Variants in DIP2B observed in about 807,000 individuals in gnomAD.
The protein encoded by DIP2B is disco-interacting protein 2 homolog B.
In DIP2B, 76 loss-of-function variants were observed where a neutral mutation model predicts 198.0. The ratio of observed to expected loss-of-function variants is 0.38; its 90% confidence interval spans 0.32 to 0.46. DIP2B has a LOEUF of 0.46. Ranked by LOEUF, DIP2B falls within the 20% of genes least tolerant of loss-of-function variation. The pLI, the probability that DIP2B is intolerant of heterozygous loss-of-function variation, is 0.99. For missense variants in DIP2B, 1,559 were observed against 1,978.4 expected, an observed-to-expected ratio of 0.79 and a Z score of 4.02; for synonymous variants, 701 against 739.1, an observed-to-expected ratio of 0.95 and a Z score of 0.84.
At chr12:50,674,687 A>AT (rs1565866848) in intron 6 of DIP2B, 58 bp downstream of exon 6, 21 of 1,596,852 alleles carry the variant, frequency 1.3e-5, no homozygotes, top group Admixed American at 3.4e-5. Context: ...AAAAATTCAA[A>AT]TTATGAATGA....
At position 50,556,846 on chromosome 12, in the gene DIP2B, A is replaced by G. The variant is rs560156095; in HGVS notation, c.100+51606A>G. Among the ~76,000 whole-genome samples, 3 of 152,286 alleles carry G rather than the reference A, an allele frequency of 2.0e-5. No homozygotes were observed. In the East Asian group the frequency reaches 5.8e-4, roughly 29 times the overall value. ...TGCCTCAGCCTCCCAGGTAGCTGGG[A>G]TTACAGGCATTCGCCACCACACCCA... On this transcript the variant is annotated intron_variant, in intron 1 of 37. Coordinates refer to ENST00000301180, the MANE Select transcript of DIP2B (RefSeq NM_173602.3).
chr12:50,615,767 A>G (rs1937687232), intron 1 of DIP2B, among the ~76,000 whole-genome samples: 2 of 152,296 alleles, frequency 1.3e-5, no homozygotes, highest in African/African-American at 4.8e-5. Context: ...AGTTTTACCT[A>G]TTAGGAAACT....
intron 3 of DIP2B, among the ~76,000 whole-genome samples, chr12:50,648,786 T>G (rs1343423529): frequency 6.6e-6 from 1 of 151,570 alleles, no homozygotes; most frequent in African/African-American, 2.4e-5. Flanking sequence ...CCAGTGCAGA[T>G]GGACAAGAAA....
intron 7 of DIP2B, among the ~76,000 whole-genome samples, chr12:50,676,923 A>T (rs1333350814): frequency 6.6e-6 from 1 of 152,196 alleles, no homozygotes; most frequent in Non-Finnish European, 1.5e-5. Context: ...CAGTTGAAAC[A>T]TTTATTATTT....
chr12:50,589,394 A>G lies in DIP2B; in HGVS notation c.101-36582A>G, dbSNP rs547470691. ...CTATTTTTAGTAGAGAGGGGGTTTC[A>G]CCATGTTGGCCAGGCTGGTCTCAAA... On this transcript the variant is annotated intron_variant, in intron 1 of 37. Coordinates refer to ENST00000301180, the MANE Select transcript of DIP2B (RefSeq NM_173602.3). Among the ~76,000 whole-genome samples the G allele has an allele frequency of 2.6e-5, 4 of 151,752 alleles. No individual in the cohort carries two copies. The East Asian group carries it at 7.9e-4, about 30-fold the overall frequency.
In DIP2B at chr12:50,708,553, C is replaced by T. The variant is rs777785743; in HGVS notation, c.2640C>T (p.Arg880=). 45 of 1,590,250 alleles carry T rather than the reference C, an allele frequency of 2.8e-5. No individual in the cohort carries two copies. Among genetic ancestry groups the T allele is most frequent in the African/African-American group, 4.0e-5 (3 of 74,640 alleles). ...SEEDSFQWMS[R]VLQAIDSIHQ... ...AAGATAGTTTCCAGTGGATGAGCCG[C>T]GTGCTGCAGGTGAGCACACTTTGGG... is the stretch of plus-strand genomic sequence containing the variant. The change falls in exon 22 of 38, where the codon CGC becomes CGT. Residue 880 remains arginine, a synonymous_variant. Coordinates refer to ENST00000301180, the MANE Select transcript of DIP2B (RefSeq NM_173602.3).
chr12:50,534,836 A>G lies in DIP2B; in HGVS notation c.100+29596A>G, dbSNP rs1306477217. 1.3e-5 allele frequency among the ~76,000 whole-genome samples: 2 copies of G among 152,198 alleles called. 1 individual carries two copies. The highest frequency in any genetic ancestry group is 2.9e-5 in the Non-Finnish European group (2 of 68,034). ...CTATCCTTTGGGAGATGAAGTGGCT[A>G]GATGAGAGAATCTAGTTCTTCCTAG... On this transcript the variant is annotated intron_variant, in intron 1 of 37. Coordinates refer to ENST00000301180, the MANE Select transcript of DIP2B (RefSeq NM_173602.3).
At chr12:50,518,305 A>G (rs1349690853) in intron 1 of DIP2B, among the ~76,000 whole-genome samples, 1 of 151,390 alleles carries the variant, frequency 6.6e-6, no homozygotes, top group Non-Finnish European at 1.5e-5. Flanking sequence ...GCTCGCTGCA[A>G]GCTCCGCCCC....
intron 37 of DIP2B, 134 bp downstream of exon 37, chr12:50,741,673 C>T (rs1477587609): frequency 1.6e-6 from 2 of 1,243,230 alleles, no homozygotes; most frequent in African/African-American, 3.0e-5. Context: ...AGGAAATAGA[C>T]TGATTCTTGT....
intron 20 of DIP2B, among the ~76,000 whole-genome samples, chr12:50,705,200 C>A (rs1939492442): frequency 6.6e-6 from 1 of 152,158 alleles, no homozygotes; most frequent in Non-Finnish European, 1.5e-5. Context: ...TCTCTAATTA[C>A]CTCCTACCCT....
At chr12:50,663,252 C>T (rs541628989) in intron 4 of DIP2B, among the ~76,000 whole-genome samples, 3 of 151,418 alleles carry the variant, frequency 2.0e-5, no homozygotes, top group East Asian at 2.0e-4. Context: ...CAGTGAACCC[C>T]GTCTCTACTA....
intron 28 of DIP2B, among the ~76,000 whole-genome samples, chr12:50,725,884 A>G (rs1210594493): frequency 1.3e-5 from 2 of 151,782 alleles, no homozygotes; most frequent in Non-Finnish European, 2.9e-5. Flanking sequence ...TCTGGATTCA[A>G]ATGCAGGAAT....
At chr12:50,608,316 A>AC (rs1959001853) in intron 1 of DIP2B, among the ~76,000 whole-genome samples, 1 of 152,208 alleles carries the variant, frequency 6.6e-6, no homozygotes, top group Non-Finnish European at 1.5e-5. Flanking sequence ...CTTACGTGGA[A>AC]ACAGCATCTA....
intron 3 of DIP2B, among the ~76,000 whole-genome samples, chr12:50,655,440 GT>G (rs1007681124): frequency 1.5e-4 from 23 of 152,308 alleles, no homozygotes; most frequent in African/African-American, 4.6e-4. Context: ...TTTTGGTATA[GT>G]TTTGACTTTT....
intron 1 of DIP2B, among the ~76,000 whole-genome samples, chr12:50,571,697 C>A (rs954498944): frequency 1.3e-5 from 2 of 151,914 alleles, no homozygotes; most frequent in African/African-American, 4.8e-5. Flanking sequence ...GGACTACAGG[C>A]GTGTGCCACC....
chr12:50,652,651 GA>G (rs200971095), intron 3 of DIP2B, among the ~76,000 whole-genome samples: 5 of 151,608 alleles, frequency 3.3e-5, no homozygotes, highest in East Asian at 3.9e-4. Context: ...TCTATCTCTG[GA>G]AAAAAAATGC....
At chr12:50,586,378 G>A (rs936421133) in intron 1 of DIP2B, among the ~76,000 whole-genome samples, 2 of 152,146 alleles carry the variant, frequency 1.3e-5, no homozygotes, top group East Asian at 3.8e-4. Context: ...TCAAGTGGCA[G>A]TCAAGGAGAA....
intron 19 of DIP2B, 89 bp downstream of exon 19, chr12:50,699,291 A>T: frequency 6.4e-7 from 1 of 1,556,122 alleles, no homozygotes; most frequent in Non-Finnish European, 8.7e-7. Context: ...GACATAGCAT[A>T]ACATGTGGTT....
At chr12:50,721,960 GTTGAAGGGGTGTGAGTT>G (rs138638717) in intron 26 of DIP2B, among the ~76,000 whole-genome samples, 4 of 150,876 alleles carry the variant, frequency 2.7e-5, no homozygotes, top group South Asian at 2.1e-4. Context: ...CTTAGATGTT[GTTGAAGGGGTGTGAGTT>G]TTGAAGGGGT....
Sources: gnomAD v4.1 joint callset for allele counts (sites outside exome capture counted in the v4.1 genomes callset) on GRCh38, gnomAD v4.1.1 for gene constraint, MANE v1.5 for transcripts, NCBI Gene and HGNC (gene_info 2026-07-23, HGNC 2026-07-21) for gene names.